RYR1: variants seen among roughly 807,000 people sequenced by gnomAD.
RYR1 encodes ryanodine receptor 1.
A neutral mutation model predicts 583.5 loss-of-function variants in RYR1; 342 were observed. The observed-to-expected ratio is 0.59, with a 90% CI of 0.54 to 0.64. RYR1 has a LOEUF of 0.64. Ranked by LOEUF, RYR1 falls within the 30% of genes least tolerant of loss-of-function variation. The probability of loss-of-function intolerance (pLI) is 0.00; values close to 1 mark genes in which losing one functional copy is unlikely to be tolerated. For missense variants in RYR1, 6,032 were observed against 6,917.2 expected (o/e 0.87, Z 4.54); for synonymous variants, 2,791 against 2,822.5 (o/e 0.99, Z 0.35).
intron 89 of RYR1, among the ~76,000 whole-genome samples, chr19:38,550,578 C>T (rs1411177537): frequency 6.6e-6 from 1 of 151,686 alleles, no homozygotes; most frequent in Non-Finnish European, 1.5e-5. Flanking sequence ...TCAAACAATC[C>T]TAGCTCACTG....
chr19:38,441,850 G>A (rs1972703837), intron 2 of RYR1, among the ~76,000 whole-genome samples: 1 of 152,006 alleles, frequency 6.6e-6, no homozygotes, highest in South Asian at 2.1e-4. Context: ...GCCCTCCTGT[G>A]TCTGTGAAGC....
At chr19:38,515,226 GC>G in intron 64 of RYR1, 119 bp downstream of exon 64, 1 of 823,166 alleles carries the variant, frequency 1.2e-6, no homozygotes, top group Admixed American at 2.1e-5. Flanking sequence ...CCCGCACACG[GC>G]GGCAGCCGCG....
rs375919300 is a variant in RYR1, at chr19:38,500,445, TG to T, written c.7324-154del. The stretch of plus-strand genomic sequence containing the variant: ...ACAAGGAGAGAGGTCGGGACTGGGG[TG>T]GGGGGGCACAGGCAGAGGAACGAGG... On this transcript the variant is annotated intron_variant, in intron 45 of 105. Transcript: ENST00000359596. The surrounding 1 kb of genome is among the most constrained non-coding windows in gnomAD (Gnocchi z 5.9). Among the ~76,000 whole-genome samples the T allele has an allele frequency of 1.4e-4, 6 of 41,708 alleles. No homozygotes were observed. Among genetic ancestry groups the T allele is most frequent in the African/African-American group, 3.8e-4 (4 of 10,588 alleles). The allele number at this position is 41,708 out of a possible 152,430, so 27.4% of individuals were successfully genotyped here.
chr19:38,474,635 C>T (rs146983513), intron 28 of RYR1, among the ~76,000 whole-genome samples: 1 of 131,854 alleles, frequency 7.6e-6, no homozygotes, highest in Non-Finnish European at 1.5e-5. Flanking sequence ...AGTGCAATGG[C>T]ACGATCTTGG....
At position 38,567,001 on chromosome 19, in the gene RYR1, G is replaced by A; in HGVS notation, c.13514+14G>A. On this transcript the variant is annotated intron_variant, in intron 92 of 105. Coordinates refer to ENST00000359596, the MANE Select transcript of RYR1 (RefSeq NM_000540.3). The stretch of plus-strand genomic sequence containing the variant: ...GGAGAAAGCCGAGTGAGTGGCCTTG[G>A]GGCTGAGGGGCCTAGCCCCTATCAC... 6.3e-7 allele frequency: 1 copy of A among 1,576,078 alleles called. No individual in the cohort carries two copies. Among genetic ancestry groups the A allele is most frequent in the Non-Finnish European group, 8.6e-7 (1 of 1,160,464 alleles).
chr19:38,543,670 T>A lies in RYR1; in HGVS notation c.11907+10T>A, dbSNP rs1321807358. The A allele has an allele frequency of 6.2e-7, 1 of 1,613,060 alleles. No individual in the cohort carries two copies. ...CACTGAGTACATCCAGGTAGGGCGC[T>A]CCCCCTGGGGCGGGAGTGGGAAGGG... On this transcript the variant is annotated intron_variant, in intron 86 of 105. Coordinates refer to ENST00000359596, the MANE Select transcript of RYR1 (RefSeq NM_000540.3). The surrounding 1 kb of genome is among the most constrained non-coding windows in gnomAD (Gnocchi z 4.4).
Position 38,516,109 on chromosome 19 carries a change from T to C in RYR1, c.9577T>C (p.Cys3193Arg). 1 of 1,549,236 alleles carries C rather than the reference T, an allele frequency of 6.5e-7. No individual in the cohort carries two copies. The change falls in exon 65 of 106, where the codon TGC (cysteine) becomes CGC (arginine). Residue 3193 changes from cysteine to arginine, a missense_variant. Transcript: ENST00000359596. Reference protein sequence around the residue: ...VEKLRPALGECLARLAAAMPV... With the variant: ...VEKLRPALGERLARLAAAMPV... ...CAGGCTTCGGCCAGCCCTCGGGGAG[T>C]GCCTGGCCCGTCTGGCAGCAGCCAT...
intron 8 of RYR1, 51 bp from the exon 9 acceptor site, chr19:38,446,643 C>T: frequency 6.2e-7 from 1 of 1,602,572 alleles, no homozygotes; most frequent in South Asian, 1.1e-5. Context: ...GGATTAGGGA[C>T]CAGATTCCGG....
intron 67 of RYR1, among the ~76,000 whole-genome samples, chr19:38,522,027 A>C (rs911666041): frequency 6.6e-6 from 1 of 152,070 alleles, no homozygotes; most frequent in Non-Finnish European, 1.5e-5. Flanking sequence ...AATTTTAAAA[A>C]GTTTTTAGCC....
rs767049767 is a variant in RYR1 at position 38,459,103 on chromosome 19, G to A, written c.2168-43G>A. The A allele has an allele frequency of 9.8e-6, 15 of 1,537,470 alleles. No homozygotes were observed. The Admixed American group carries it at 1.8e-4, about 19-fold the overall frequency. On this transcript the variant is annotated intron_variant, in intron 18 of 105. Coordinates refer to ENST00000359596, the MANE Select transcript of RYR1 (RefSeq NM_000540.3). The stretch of plus-strand genomic sequence containing the variant: ...CTTTTCTCTTGTTATCATTGGTTCT[G>A]TGGGACCTGTGACGTCTGACCCATC...
intron 83 of RYR1, 149 bp downstream of exon 83, chr19:38,536,916 A>C (rs1259897124): frequency 3.9e-6 from 3 of 773,374 alleles, no homozygotes; most frequent in Non-Finnish European, 6.7e-6. Context: ...CAAAACCTGG[A>C]GATCAGGAGT....
Position 38,534,910 on chromosome 19 carries a change from C to T in RYR1, c.11359+91C>T, listed in dbSNP as rs147117249. 1.1e-4 allele frequency: 151 copies of T among 1,406,218 alleles called. 1 individual carries two copies. The East Asian group carries it at 2.1e-3, about 20-fold the overall frequency. The allele number at this position is 1,406,218 out of a possible 1,614,324, so 87.1% of individuals were successfully genotyped here. ...GCCCATTCCCTGTGGACCCATTTGC[C>T]GCCCCTCAATGCCTGTGGTTTGCAC... On this transcript the variant is annotated intron_variant, in intron 79 of 105. Coordinates refer to ENST00000359596, the MANE Select transcript of RYR1 (RefSeq NM_000540.3).
chr19:38,549,982 CT>C (rs944628824), intron 89 of RYR1, among the ~76,000 whole-genome samples: 1 of 150,756 alleles, frequency 6.6e-6, no homozygotes, highest in Non-Finnish European at 1.5e-5. Context: ...TCTTGAACTC[CT>C]GGCCTCAAGT....
intron 89 of RYR1, among the ~76,000 whole-genome samples, chr19:38,559,139 T>C (rs1348833528): frequency 6.6e-6 from 1 of 151,568 alleles, no homozygotes; most frequent in Admixed American, 6.6e-5. Flanking sequence ...CAATGAATGA[T>C]GACACAGAGA....
intron 65 of RYR1, among the ~76,000 whole-genome samples, chr19:38,516,743 G>C (rs569249603): frequency 2.6e-4 from 39 of 152,258 alleles, no homozygotes; most frequent in African/African-American, 8.2e-4. Flanking sequence ...AATATGTATC[G>C]AGCAGTTACT....
In RYR1 at chr19:38,561,110, C is replaced by A; in HGVS notation, c.12283-3C>A. On this transcript the variant is annotated splice_region_variant and splice_polypyrimidine_tract_variant and intron_variant, in intron 89 of 105. Coordinates refer to ENST00000359596, the MANE Select transcript of RYR1 (RefSeq NM_000540.3). This position sits in a 1 kb window ranked among gnomAD's most constrained non-coding sequence, Gnocchi z 4.8. ...CCCCACTGACCTCCCTGCCCGCCCC[C>A]AGGCCATGGACAGCCAGAAGCAGTT... 6.2e-7 allele frequency: 1 copy of A among 1,614,008 alleles called. No homozygotes were observed. The highest frequency in any genetic ancestry group is 1.1e-5 in the South Asian group (1 of 91,074).
In RYR1 at chr19:38,557,974, T is replaced by C. The variant is rs188180589; in HGVS notation, c.12283-3139T>C. Among the ~76,000 whole-genome samples the C allele has an allele frequency of 3.7e-3, 563 of 151,698 alleles. 2 individuals carry two copies. The highest frequency in any genetic ancestry group is 0.012 in the African/African-American group (487 of 41,358). On this transcript the variant is annotated intron_variant, in intron 89 of 105. Transcript: ENST00000359596. ...CAGCATGGGCAACAGAGTGAGACTC[T>C]CTCAAAAATAAAATAAAATAATACA...
At chr19:38,453,068 C>G in intron 13 of RYR1, 54 bp downstream of exon 13, 3 of 1,567,788 alleles carry the variant, frequency 1.9e-6, no homozygotes, top group Non-Finnish European at 1.7e-6. Context: ...GGCGGGACCA[C>G]TGAGGGGCGG....
rs945038715 is a variant in RYR1, at chr19:38,469,485, C to T, written c.3737C>T (p.Pro1246Leu). The change falls in exon 27 of 106, where the codon CCA becomes CTA. Residue 1246 changes from proline to leucine, a missense_variant. Physicochemically the swap from Pro to Leu is moderately conservative, Grantham distance 98. Transcript: ENST00000359596. ...AGCAAAGGCCTGCCCCAGTTTGAGC[C>T]AGTGCCCCTTGAACACCCTCACTAT... Reference protein sequence around the residue: ...WFSKGLPQFEPVPLEHPHYEV... With the variant: ...WFSKGLPQFELVPLEHPHYEV... 3 of 1,614,198 alleles carry T rather than the reference C, an allele frequency of 1.9e-6. No individual in the cohort carries two copies. The highest frequency in any genetic ancestry group is 2.5e-6 in the Non-Finnish European group (3 of 1,180,042).
Sources: allele counts gnomAD v4.1 joint callset (sites outside exome capture counted in the v4.1 genomes callset), GRCh38; gene constraint gnomAD v4.1.1; non-coding constraint Gnocchi (gnomAD v3.1); transcripts MANE v1.5; gene names NCBI Gene and HGNC (gene_info 2026-07-23, HGNC 2026-07-21).